IFT88: variants seen among roughly 807,000 people sequenced by gnomAD.
IFT88 encodes the protein intraflagellar transport protein 88 homolog.
A neutral mutation model predicts 119.5 loss-of-function variants in IFT88; 74 were observed. That is an observed-to-expected ratio of 0.62 (90% CI 0.51 to 0.75). IFT88 has a LOEUF of 0.75. Ranked by LOEUF, IFT88 falls within the 30% of genes least tolerant of loss-of-function variation. The pLI, the probability that IFT88 is intolerant of heterozygous loss-of-function variation, is 0.00. For synonymous variants in IFT88, 279 were observed against 316.7 expected, an observed-to-expected ratio of 0.88 and a Z score of 1.26; for missense variants, 961 against 977.7, an observed-to-expected ratio of 0.98 and a Z score of 0.23.
intron 20 of IFT88, among the ~76,000 whole-genome samples, chr13:20,646,932 G>A (rs1566340827): frequency 6.7e-6 from 1 of 149,880 alleles, no homozygotes; most frequent in East Asian, 2.0e-4. Flanking sequence ...TCCAGCCATT[G>A]ATTCCATTCC....
intron 1 of IFT88, among the ~76,000 whole-genome samples, chr13:20,571,074 AC>A (rs2137828803): frequency 6.6e-6 from 1 of 152,062 alleles, no homozygotes; most frequent in African/African-American, 2.4e-5. Context: ...GCCCACTGCA[AC>A]CTCCGCCTCC....
intron 24 of IFT88, among the ~76,000 whole-genome samples, chr13:20,685,913 C>G (rs1244255654): frequency 6.6e-6 from 1 of 152,156 alleles, no homozygotes; most frequent in African/African-American, 2.4e-5. Context: ...ATGCCCATAA[C>G]CTTTGATAGG....
At chr13:20,685,254 G>C (rs183319327) in intron 24 of IFT88, among the ~76,000 whole-genome samples, 23 of 152,070 alleles carry the variant, frequency 1.5e-4, no homozygotes, top group African/African-American at 1.9e-4. Flanking sequence ...TCCCGGGGGT[G>C]GGGGGGCCAG....
intron 12 of IFT88, among the ~76,000 whole-genome samples, chr13:20,604,521 TTAGAA>T (rs1181494794): frequency 2.0e-5 from 3 of 152,200 alleles, no homozygotes; most frequent in Non-Finnish European, 4.4e-5. Context: ...TATCAGCTTC[TTAGAA>T]TAGGTTAGTT....
intron 23 of IFT88, among the ~76,000 whole-genome samples, chr13:20,664,405 A>C (rs1050347002): frequency 1.2e-4 from 18 of 152,186 alleles, no homozygotes; most frequent in Admixed American, 3.9e-4. Flanking sequence ...TACATTGTAC[A>C]TTGTACATTC....
chr13:20,664,358 G>C (rs1278743887), intron 23 of IFT88, among the ~76,000 whole-genome samples: 1 of 152,068 alleles, frequency 6.6e-6, no homozygotes, highest in Non-Finnish European at 1.5e-5. Flanking sequence ...TTTTGTGCTT[G>C]GGGGAATCCA....
At chr13:20,577,647 G>T (rs976582795) in intron 2 of IFT88, among the ~76,000 whole-genome samples, 21 of 152,100 alleles carry the variant, frequency 1.4e-4, no homozygotes, top group African/African-American at 4.8e-4. Context: ...TCGATATGAT[G>T]TATTACATTG....
chr13:20,643,646 T>G (rs751323207), intron 19 of IFT88, 41 bp downstream of exon 19: 1 of 1,401,862 alleles, frequency 7.1e-7, no homozygotes, highest in Admixed American at 2.1e-5. Context: ...TTTTAGCATT[T>G]TATGAATTGT....
At position 20,596,157 on chromosome 13, in the gene IFT88, G is replaced by T; in HGVS notation, c.406G>T (p.Glu136Ter). Residue 136 changes from glutamate (E) to a stop codon, truncating the protein, a stop_gained, in exon 8 of 26, where the codon GAA (glutamate) becomes TAA (stop). Coordinates refer to ENST00000351808, the MANE Select transcript of IFT88 (RefSeq NM_006531.5). LOFTEE classifies it high-confidence loss of function. ...LEAKKKDSPE[E>*]KIKQLEKEVN... ...TGCTTTTGTCTTTAATAGCCCAGAG[G>T]AAAAAATAAAGCAATTAGAGAAGGA... 1 of 1,484,264 alleles carries T rather than the reference G, an allele frequency of 6.7e-7. No individual in the cohort carries two copies. Among genetic ancestry groups the T allele is most frequent in the South Asian group, 1.3e-5 (1 of 74,952 alleles). The allele number at this position is 1,484,264 out of a possible 1,614,324, so 91.9% of individuals were successfully genotyped here.
chr13:20,567,756 A>T (rs1462576531), intron 1 of IFT88: 4 of 1,339,558 alleles, frequency 3.0e-6, no homozygotes, highest in Non-Finnish European at 3.8e-6. Flanking sequence ...ACTTAGCCTC[A>T]CAAAGATGGA....
intron 1 of IFT88, among the ~76,000 whole-genome samples, chr13:20,569,372 G>C (rs2035734672): frequency 6.6e-6 from 1 of 151,664 alleles, no homozygotes; most frequent in Admixed American, 6.6e-5. Flanking sequence ...AGGAGATCGA[G>C]ACCATCCTGG....
At chr13:20,598,525 T>C in intron 9 of IFT88, 126 bp from the exon 10 acceptor site, 2 of 518,080 alleles carry the variant, frequency 3.9e-6, no homozygotes, top group South Asian at 6.2e-5. Flanking sequence ...CTTAATTTCA[T>C]AATTGGCTGA....
At chr13:20,686,721 T>C (rs1455271063) in intron 24 of IFT88, among the ~76,000 whole-genome samples, 2 of 152,206 alleles carry the variant, frequency 1.3e-5, no homozygotes, top group Non-Finnish European at 2.9e-5. Flanking sequence ...TGTACAGTTA[T>C]TTTTTCTATC....
In IFT88 at chr13:20,623,922, T is replaced by C. The variant is rs1024904217; in HGVS notation, c.1200-1828T>C. ...GATGGAATTGTACTCTTAATATCCTTTCCAAGTTGTTTGTTTTTAGTGTAT... is the reference window on the plus strand; with the variant it reads ...GATGGAATTGTACTCTTAATATCCTCTCCAAGTTGTTTGTTTTTAGTGTAT... On this transcript the variant is annotated intron_variant, in intron 14 of 25. Transcript: ENST00000351808. Among the ~76,000 whole-genome samples the C allele has an allele frequency of 4.6e-5, 7 of 152,352 alleles. No individual in the cohort carries two copies. In the East Asian group the frequency reaches 9.6e-4, roughly 21 times the overall value.
intron 3 of IFT88, among the ~76,000 whole-genome samples, chr13:20,587,149 T>C (rs911916018): frequency 6.6e-5 from 10 of 152,242 alleles, no homozygotes. Flanking sequence ...TTGAAGAATA[T>C]ATATGTTCCA....
chr13:20,654,799 C>T (rs1231435835), intron 21 of IFT88, among the ~76,000 whole-genome samples: 1 of 152,150 alleles, frequency 6.6e-6, no homozygotes, highest in Non-Finnish European at 1.5e-5. Flanking sequence ...TTTATATCAA[C>T]ATGAGTTCTC....
chr13:20,617,633 C>CTT (rs2045847158), intron 14 of IFT88, among the ~76,000 whole-genome samples: 1 of 152,092 alleles, frequency 6.6e-6, no homozygotes, highest in Non-Finnish European at 1.5e-5. Context: ...TCTGCTAATA[C>CTT]GTAAAAACTC....
chr13:20,591,150 CT>C (rs57082579), intron 5 of IFT88, 130 bp downstream of exon 5: 24,181 of 661,916 alleles, frequency 0.037, 634 homozygotes, highest in Middle Eastern at 0.063. Flanking sequence ...GACCCAGATT[CT>C]TTAAATTGTG....
intron 2 of IFT88, among the ~76,000 whole-genome samples, chr13:20,578,667 A>G (rs1169115843): frequency 6.6e-6 from 1 of 152,014 alleles, no homozygotes; most frequent in Non-Finnish European, 1.5e-5. Context: ...CTCCTGCCTC[A>G]GCCTCCCAAG....
Sources: gnomAD v4.1 joint callset for allele counts (sites outside exome capture counted in the v4.1 genomes callset) on GRCh38, gnomAD v4.1.1 for gene constraint, MANE v1.5 for transcripts, NCBI Gene and HGNC (gene_info 2026-07-23, HGNC 2026-07-21) for gene names.